MTERF4: variants seen among roughly 807,000 people sequenced by gnomAD.
MTERF4 encodes the protein mitochondrial transcription termination factor 4.
Under a neutral mutation model 22.5 loss-of-function variants are expected in MTERF4, and 17 were observed. The ratio of observed to expected loss-of-function variants is 0.75; its 90% CI spans 0.52 to 1.13. The LOEUF is 1.13. Ranked by LOEUF, MTERF4 falls within the 50% of genes most tolerant of loss-of-function variation. The probability of loss-of-function intolerance (pLI) is 0.00; values close to 1 mark genes in which losing one functional copy is unlikely to be tolerated. For missense variants in MTERF4, 420 were observed against 466.8 expected (o/e 0.90, Z 0.92); for synonymous variants, 165 against 175.3 (o/e 0.94, Z 0.47).
chr2:241,048,590 G>A, the MTERF4 span: 1 of 1,512,364 alleles, frequency 6.6e-7, no homozygotes, highest in African/African-American at 1.4e-5. Flanking sequence ...CCAGGAGCAG[G>A]GCAGGGTCTG....
chr2:241,093,507 A>G (rs1360923256), downstream of MTERF4: 1 of 108,462 alleles, frequency 9.2e-6, no homozygotes, highest in East Asian at 4.0e-4. Flanking sequence ...TTGGTGCCAC[A>G]CAGCAAATGC....
chr2:241,061,936 G>T, the MTERF4 span, among the ~76,000 whole-genome samples: 5 of 152,176 alleles, frequency 3.3e-5, no homozygotes, highest in South Asian at 1.0e-3. Context: ...GAGAATGGGT[G>T]AAGTATGATA....
At chr2:241,065,952 C>A in the MTERF4 span, among the ~76,000 whole-genome samples, 1 of 97,098 alleles carries the variant, frequency 1.0e-5, no homozygotes, top group African/African-American at 3.9e-5. Context: ...CGGGGGTGGG[C>A]TTGGGGGGGC....
chr2:241,071,570 C>A, downstream of MTERF4: 1 of 1,579,432 alleles, frequency 6.3e-7, no homozygotes, highest in South Asian at 1.2e-5. Context: ...CCTGCCTGCT[C>A]TGCAGCCCCC....
At chr2:241,087,635 CTG>C (rs1374065371), downstream of MTERF4, 4 of 1,438,268 alleles carry the variant, frequency 2.8e-6, no homozygotes, top group African/African-American at 4.3e-5. Context: ...TGCTACGAAA[CTG>C]TATGTCCATA....
chr2:241,054,127 GGATTTCAAGCCCCAGGT>G, the MTERF4 span, among the ~76,000 whole-genome samples: 1 of 94,066 alleles, frequency 1.1e-5, no homozygotes, highest in South Asian at 3.7e-4. Flanking sequence ...TTTCCTTCTG[GGATTTCAAGCCCCAGGT>G]GAGCTCCTGA....
At chr2:241,101,425 C>T (rs926403236) in intron 1 of MTERF4, among the ~76,000 whole-genome samples, 3 of 152,238 alleles carry the variant, frequency 2.0e-5, no homozygotes, top group African/African-American at 7.2e-5. Flanking sequence ...GCTCACTTGC[C>T]GCTCACCTCC....
downstream of MTERF4, chr2:241,069,008 A>G: frequency 3.9e-6 from 6 of 1,551,762 alleles, no homozygotes; most frequent in Non-Finnish European, 1.7e-6. This position sits in a 1 kb window ranked among gnomAD's most constrained non-coding sequence, Gnocchi z 4.9. Context: ...CACCGCGCCG[A>G]CGCACGTGTG....
At chr2:241,056,671 C>T in the MTERF4 span, among the ~76,000 whole-genome samples, 1 of 140,138 alleles carries the variant, frequency 7.1e-6, no homozygotes, top group African/African-American at 2.7e-5. Flanking sequence ...ATCTCCGCCT[C>T]CTGGGTTCAC....
chr2:241,088,495 G>C, downstream of MTERF4: 1 of 1,026,494 alleles, frequency 9.7e-7, no homozygotes, highest in Non-Finnish European at 1.5e-6. Context: ...GCCGCTGCCT[G>C]CTTACTCAGC....
chr2:241,062,496 CCT>C, the MTERF4 span, among the ~76,000 whole-genome samples: 1 of 152,142 alleles, frequency 6.6e-6, no homozygotes, highest in South Asian at 2.1e-4. Flanking sequence ...CTGTCAAACC[CCT>C]GAGGCCTTTG....
At chr2:241,090,537 T>C (rs978402541), downstream of MTERF4, 11 of 1,388,714 alleles carry the variant, frequency 7.9e-6, no homozygotes, top group Middle Eastern at 2.6e-4. Context: ...CATAATTGTA[T>C]GTGCTAGACT....
downstream of MTERF4, among the ~76,000 whole-genome samples, chr2:241,083,212 T>G (rs2063415628): frequency 6.6e-6 from 1 of 152,092 alleles, no homozygotes; most frequent in African/African-American, 2.4e-5. Flanking sequence ...AGGGCGATGC[T>G]GAACAGACAT....
intron 4 of MTERF4, among the ~76,000 whole-genome samples, chr2:241,078,226 T>C (rs2063131239): frequency 1.3e-5 from 2 of 151,302 alleles, no homozygotes; most frequent in Non-Finnish European, 2.9e-5. Context: ...CTACTAAAAA[T>C]ACAAAAATTA....
At chr2:241,090,540 G>A (rs2063879845), downstream of MTERF4, 5 of 1,387,884 alleles carry the variant, frequency 3.6e-6, no homozygotes, top group South Asian at 7.6e-5. Context: ...AATTGTATGT[G>A]CTAGACTTCT....
downstream of MTERF4, chr2:241,082,184 C>G (rs1367608112): frequency 8.0e-6 from 8 of 995,796 alleles, no homozygotes; most frequent in Admixed American, 1.7e-4. Context: ...AGCCTAAGGA[C>G]CCCCGGGCCC....
At chr2:241,102,001 C>T in intron 1 of MTERF4, 2 of 559,018 alleles carry the variant, frequency 3.6e-6, no homozygotes, top group South Asian at 4.4e-5. Flanking sequence ...TGCAGTGAGC[C>T]GAGATCGCGC....
chr2:241,071,957 A>G (rs1172411840), downstream of MTERF4: 3 of 1,188,016 alleles, frequency 2.5e-6, no homozygotes, highest in African/African-American at 4.6e-5. Flanking sequence ...CCTGTCCCCT[A>G]CATGATGAGC....
At chr2:241,067,855 CGTCAGTGGG>C, downstream of MTERF4, 1 of 1,613,438 alleles carries the variant, frequency 6.2e-7, no homozygotes, top group Non-Finnish European at 8.5e-7. Flanking sequence ...GCCATGCCAC[CGTCAGTGGG>C]GTCCGTGTGT....
Sources: gnomAD v4.1 joint callset for allele counts (sites outside exome capture counted in the v4.1 genomes callset) on GRCh38, gnomAD v4.1.1 for gene constraint, Gnocchi (gnomAD v3.1) non-coding constraint, MANE v1.5 for transcripts, NCBI Gene and HGNC (gene_info 2026-07-23, HGNC 2026-07-21) for gene names.